Variants in RBM26 observed in about 807,000 individuals in gnomAD.
RBM26 encodes the protein RNA-binding protein 26.
A neutral mutation model predicts 123.6 loss-of-function variants in RBM26; 30 were observed. The observed-to-expected ratio is 0.24, with a 90% CI of 0.18 to 0.33. The LOEUF is 0.33. Ranked by LOEUF, RBM26 falls within the 10% of genes least tolerant of loss-of-function variation. The pLI is 1.00. For missense variants in RBM26, 947 were observed against 1,203.6 expected (o/e 0.79, Z 3.15); for synonymous variants, 400 against 404.4 (o/e 0.99, Z 0.13).
At chr13:79,364,392 G>A (rs2075039481) in intron 9 of RBM26, among the ~76,000 whole-genome samples, 1 of 152,174 alleles carries the variant, frequency 6.6e-6, no homozygotes, top group Non-Finnish European at 1.5e-5. Flanking sequence ...ATTAGGCACT[G>A]TTACTTACTA....
chr13:79,402,376 T>C (rs1019161073), intron 1 of RBM26, among the ~76,000 whole-genome samples: 1 of 151,876 alleles, frequency 6.6e-6, no homozygotes, highest in African/African-American at 2.4e-5. Context: ...TGTACAGAAG[T>C]TATGAAACAG....
At chr13:79,368,423 A>G (rs2075559291) in intron 6 of RBM26, among the ~76,000 whole-genome samples, 1 of 152,210 alleles carries the variant, frequency 6.6e-6, no homozygotes, top group Non-Finnish European at 1.5e-5. Flanking sequence ...ATTCTAAAGA[A>G]ATGAGTTTTG....
At chr13:79,331,581 A>G (rs1186234117) in intron 20 of RBM26, among the ~76,000 whole-genome samples, 1 of 151,616 alleles carries the variant, frequency 6.6e-6, no homozygotes, top group Non-Finnish European at 1.5e-5. Context: ...GCTTGCAGTG[A>G]GCTGAGATCA....
chr13:79,371,908 T>A lies in RBM26; in HGVS notation c.350A>T (p.Glu117Val). 1 of 1,609,038 alleles carries A rather than the reference T, an allele frequency of 6.2e-7. No individual in the cohort carries two copies. Among genetic ancestry groups the A allele is most frequent in the Non-Finnish European group, 8.5e-7 (1 of 1,176,464 alleles). Residue 117 changes from glutamate (E) to valine (V), a missense_variant, in exon 4 of 22, where the codon GAG becomes GTG. Glu to Val is a moderately radical substitution (Grantham distance 121, BLOSUM62 -2). Around this residue, in one of 5 missense-constraint regions of RBM26, gnomAD observed 275 missense variants for 361.0 expected, o/e 0.76. Transcript: ENST00000438737. ...ATTTAGCCTTCTAGAAAACTTCTTC[T>A]CTCGCTCTTCCTCCTTAGTGATCTG... ...KEEITKEEEREKKFSRRLNHS... is the reference protein window; with the variant it reads ...KEEITKEEERVKKFSRRLNHS...
intron 20 of RBM26, among the ~76,000 whole-genome samples, chr13:79,324,511 T>C (rs1024403943): frequency 2.0e-5 from 3 of 151,946 alleles, no homozygotes; most frequent in Admixed American, 2.0e-4. Context: ...AGTTTGGTGA[T>C]ATTTTGGGCA....
intron 9 of RBM26, among the ~76,000 whole-genome samples, chr13:79,363,712 C>A (rs1046328024): frequency 1.3e-5 from 2 of 152,100 alleles, no homozygotes; most frequent in Admixed American, 1.3e-4. Context: ...CCAACTTGTA[C>A]ATGGTAAGAT....
At chr13:79,314,823 G>C, downstream of RBM26, 1 of 398,644 alleles carries the variant, frequency 2.5e-6, no homozygotes, top group South Asian at 2.3e-5. Context: ...TACTCTTAGA[G>C]AACTGTAGAG....
In RBM26 at chr13:79,405,715, A is replaced by G. The variant is rs139050965; in HGVS notation, c.60T>C (p.Thr20=). ...FEALKSWLSK[T]LEPICDADPS... is the part of the protein sequence containing the mutation. ...CCCCGGATACTCACATGGGCTCGAGAGTCTTGCTGAGCCAGGACTTGAGTG... is the reference window on the plus strand; with the variant it reads ...CCCCGGATACTCACATGGGCTCGAGGGTCTTGCTGAGCCAGGACTTGAGTG... The change falls in exon 1 of 22, where the codon ACT becomes ACC. Residue 20 remains threonine (T), a synonymous_variant. Coordinates refer to ENST00000438737, the MANE Select transcript of RBM26 (RefSeq NM_001366735.2). 2.9e-5 allele frequency: 46 copies of G among 1,597,576 alleles called. No homozygotes were observed. In the African/African-American group the frequency reaches 5.7e-4, roughly 20 times the overall value.
intron 1 of RBM26, among the ~76,000 whole-genome samples, chr13:79,385,174 ACT>A (rs1485338326): frequency 6.6e-6 from 1 of 152,180 alleles, no homozygotes; most frequent in Non-Finnish European, 1.5e-5. Flanking sequence ...ACTTAGAATT[ACT>A]CTTTTAAAAA....
At chr13:79,392,281 T>G (rs1407670362) in intron 1 of RBM26, among the ~76,000 whole-genome samples, 1 of 137,152 alleles carries the variant, frequency 7.3e-6, no homozygotes, top group South Asian at 2.2e-4. Flanking sequence ...ATATTAATTA[T>G]ATATAAAATA....
At chr13:79,372,035 C>CT in intron 3 of RBM26, 105 bp from the exon 4 acceptor site, 1 of 741,462 alleles carries the variant, frequency 1.3e-6, no homozygotes, top group Non-Finnish European at 2.2e-6. Flanking sequence ...AATGCCAGCA[C>CT]TTTGGGAGGC....
chr13:79,361,469 GCTTC>G (rs961848818), intron 9 of RBM26, among the ~76,000 whole-genome samples: 4 of 152,010 alleles, frequency 2.6e-5, no homozygotes, highest in African/African-American at 9.7e-5. Context: ...TACTAACTTT[GCTTC>G]CTTAACACCC....
In RBM26 at chr13:79,358,389, A is replaced by C; in HGVS notation, c.1574T>G (p.Val525Gly). The C allele has an allele frequency of 6.2e-7, 1 of 1,611,354 alleles. No homozygotes were observed. The highest frequency in any genetic ancestry group is 8.5e-7 in the Non-Finnish European group (1 of 1,179,288). The part of the protein sequence containing the change: ...RTNSPGFQKK[V>G]QFGNENTKLE... The stretch of plus-strand genomic sequence containing the variant: ...CTTGGTATTTTCATTTCCAAATTGA[A>C]CCTTCTTCTGAAAGCCTGGGCTGTT... The change falls in exon 11 of 22, where the codon GTT (valine) becomes GGT (glycine). Residue 525 changes from valine to glycine, a missense_variant. Coordinates refer to ENST00000438737, the MANE Select transcript of RBM26 (RefSeq NM_001366735.2).
intron 1 of RBM26, among the ~76,000 whole-genome samples, chr13:79,382,383 C>G (rs967471406): frequency 6.6e-6 from 1 of 152,018 alleles, no homozygotes; most frequent in African/African-American, 2.4e-5. Context: ...TGCTAGCATC[C>G]TGAAAATGTG....
intron 3 of RBM26, chr13:79,376,163 C>G (rs1463603640): frequency 6.6e-6 from 1 of 151,986 alleles, no homozygotes; most frequent in Non-Finnish European, 1.5e-5. Context: ...AACATAATGG[C>G]TTGACTGCCA....
intron 21 of RBM26, 25 bp from the exon 22 acceptor site, chr13:79,320,735 A>G: frequency 7.5e-7 from 1 of 1,331,016 alleles, no homozygotes; most frequent in Non-Finnish European, 9.8e-7. Flanking sequence ...GTATTTAGGA[A>G]TTTACCCAAA....
rs552398486 is a variant in RBM26, at chr13:79,381,531, G to A, written c.72-2624C>T. On this transcript the variant is annotated intron_variant, in intron 1 of 21. Transcript: ENST00000438737. Reference sequence around the variant, plus strand: ...TTAATATTGGTTTGATTGTTGTGGTGAATTTTTAACTTATTAGTGGTTTTT... The same window carrying A: ...TTAATATTGGTTTGATTGTTGTGGTAAATTTTTAACTTATTAGTGGTTTTT... Among the ~76,000 whole-genome samples the A allele has an allele frequency of 3.9e-5, 6 of 151,902 alleles. No individual in the cohort carries two copies. The South Asian group carries it at 8.3e-4, about 21-fold the overall frequency.
intron 1 of RBM26, among the ~76,000 whole-genome samples, chr13:79,389,828 T>C (rs1006157479): frequency 6.6e-6 from 1 of 152,084 alleles, no homozygotes; most frequent in Non-Finnish European, 1.5e-5. Flanking sequence ...CCCTAAAAAG[T>C]AATAATTACA....
At chr13:79,373,205 A>AATATATAAAT (rs1566505342) in intron 3 of RBM26, among the ~76,000 whole-genome samples, 1 of 112,566 alleles carries the variant, frequency 8.9e-6, no homozygotes, top group African/African-American at 3.6e-5. Flanking sequence ...AATATATAAA[A>AATATATAAAT]ATATATAAAT....
Sources: allele counts gnomAD v4.1 joint callset (sites outside exome capture counted in the v4.1 genomes callset), GRCh38; gene constraint gnomAD v4.1.1; regional missense constraint gnomAD v4.1.1; transcripts MANE v1.5; gene names NCBI Gene and HGNC (gene_info 2026-07-23, HGNC 2026-07-21).